RPH3A: variants seen among roughly 807,000 people sequenced by gnomAD.
RPH3A encodes rabphilin 3A, also known as rabphilin-3A.
RPH3A carries 48 observed loss-of-function variants against 102.2 expected under a neutral mutation model. The ratio of observed to expected loss-of-function variants is 0.47; its 90% CI spans 0.37 to 0.60. The LOEUF (loss-of-function observed/expected upper bound fraction) is 0.60, where lower values mean the gene tolerates loss of function less well. Among genes scored for constraint, RPH3A ranks in the 20% least tolerant of loss-of-function variants. The pLI is 0.00. For missense variants in RPH3A, 781 were observed against 910.1 expected (o/e 0.86, Z 1.83); for synonymous variants, 310 against 324.3 (o/e 0.96, Z 0.47).
chr12:112,847,931 G>A, intron 5 of RPH3A, 89 bp downstream of exon 5: 2 of 1,447,262 alleles, frequency 1.4e-6, no homozygotes, highest in Non-Finnish European at 1.9e-6. Flanking sequence ...CAAACGGGGT[G>A]TGCTGGGCTG....
chr12:112,579,296 C>T (rs1361564427), intron 1 of RPH3A, among the ~76,000 whole-genome samples: 1 of 152,194 alleles, frequency 6.6e-6, no homozygotes, highest in Non-Finnish European at 1.5e-5. Context: ...TTCTGAGTCC[C>T]ATAGTGATCA....
Position 112,897,145 on chromosome 12 carries a change from TACAC to T in RPH3A, c.*392_*395del, listed in dbSNP as rs10563429. 2,437 of 183,278 alleles carry T rather than the reference TACAC, an allele frequency of 0.013. 31 individuals are homozygous for T. Among genetic ancestry groups the T allele is most frequent in the African/African-American group, 0.039 (1,651 of 42,092 alleles). 11.4% of individuals were successfully genotyped at this position (183,278 alleles called of 1,614,324 possible). ...CCTCCTAGCCTTGAACACACACATG[TACAC>T]ACACACACACACACACACACACACA... On this transcript the variant is annotated 3_prime_UTR_variant, in exon 22 of 22. Coordinates refer to ENST00000389385, the MANE Select transcript of RPH3A (RefSeq NM_001143854.2).
At chr12:112,640,757 A>G (rs1159502149) in intron 1 of RPH3A, among the ~76,000 whole-genome samples, 1 of 152,140 alleles carries the variant, frequency 6.6e-6, no homozygotes, top group Non-Finnish European at 1.5e-5. Context: ...GGGGGCATGG[A>G]GTGGAGGAGT....
chr12:112,894,204 A>C, intron 19 of RPH3A: 1 of 248,380 alleles, frequency 4.0e-6, no homozygotes, highest in Non-Finnish European at 7.5e-6. Flanking sequence ...ACCACCAGCC[A>C]TGGCCATCAA....
At chr12:112,757,514 T>C (rs2040829246) in intron 1 of RPH3A, among the ~76,000 whole-genome samples, 1 of 152,190 alleles carries the variant, frequency 6.6e-6, no homozygotes, top group African/African-American at 2.4e-5. Flanking sequence ...GTGATGAATA[T>C]GCTGATTACC....
At position 112,729,988 on chromosome 12, in the gene RPH3A, G is replaced by A. The variant is rs191263140; in HGVS notation, c.-139-62155G>A. On this transcript the variant is annotated intron_variant, in intron 1 of 21. Transcript: ENST00000543106. ...TGACTGCTGTCCTTATAAAAAGGGG[G>A]AAAACTGGACACGTACACACACACA... is the stretch of plus-strand genomic sequence containing the variant. Among the ~76,000 whole-genome samples, 216 of 152,190 alleles carry A rather than the reference G, an allele frequency of 1.4e-3. 1 individual carries two copies. Among genetic ancestry groups the A allele is most frequent in the Middle Eastern group, 0.01 (3 of 294 alleles).
intron 2 of RPH3A, among the ~76,000 whole-genome samples, chr12:112,814,400 C>A (rs1487380215): frequency 6.6e-6 from 1 of 152,034 alleles, no homozygotes; most frequent in Non-Finnish European, 1.5e-5. Context: ...TATGACAGCC[C>A]CAACAAGTGG....
At chr12:112,861,751 C>T (rs1168970145) in intron 5 of RPH3A, among the ~76,000 whole-genome samples, 6 of 152,304 alleles carry the variant, frequency 3.9e-5, no homozygotes, top group South Asian at 2.1e-4. Flanking sequence ...CAGTGGCTCA[C>T]GCCTGTAATC....
intron 1 of RPH3A, among the ~76,000 whole-genome samples, chr12:112,609,332 A>G (rs1054725227): frequency 1.3e-5 from 2 of 152,166 alleles, no homozygotes; most frequent in Non-Finnish European, 2.9e-5. Flanking sequence ...CCTCCTCAGT[A>G]GCTGGAATTA....
At chr12:112,757,260 A>G (rs11066399) in intron 1 of RPH3A, among the ~76,000 whole-genome samples, 12,657 of 152,242 alleles carry the variant, frequency 0.083, 1,393 homozygotes, top group African/African-American at 0.25. Context: ...ATAAAAAGCC[A>G]AAGATCTCAC....
intron 1 of RPH3A, among the ~76,000 whole-genome samples, chr12:112,604,937 C>A (rs990146292): frequency 1.3e-5 from 2 of 152,204 alleles, no homozygotes; most frequent in Admixed American, 1.3e-4. Context: ...TGGAAACCTT[C>A]CGTGACCTAG....
chr12:112,863,660 C>G (rs768620143), intron 5 of RPH3A, among the ~76,000 whole-genome samples: 1 of 152,176 alleles, frequency 6.6e-6, no homozygotes, highest in Non-Finnish European at 1.5e-5. Flanking sequence ...AGCTGTGTGA[C>G]CTTGGGTAAG....
intron 1 of RPH3A, among the ~76,000 whole-genome samples, chr12:112,587,620 G>T (rs992034889): frequency 6.6e-6 from 1 of 152,064 alleles, no homozygotes; most frequent in African/African-American, 2.4e-5. Flanking sequence ...CAACATCACA[G>T]CCCCTTATGC....
intron 2 of RPH3A, among the ~76,000 whole-genome samples, chr12:112,823,860 T>C (rs7311759): frequency 0.075 from 11,367 of 152,188 alleles, 1,377 homozygotes; most frequent in African/African-American, 0.26. Flanking sequence ...AGAGTTGGCT[T>C]TCATGAAGTA....
intron 5 of RPH3A, among the ~76,000 whole-genome samples, chr12:112,858,360 C>T (rs879786120): frequency 6.6e-6 from 1 of 151,622 alleles, no homozygotes; most frequent in Non-Finnish European, 1.5e-5. Flanking sequence ...CACTGAAAGC[C>T]CTTGCATGCA....
intron 16 of RPH3A, among the ~76,000 whole-genome samples, chr12:112,887,035 A>G (rs185194309): frequency 2.6e-5 from 4 of 152,320 alleles, no homozygotes; most frequent in Admixed American, 6.5e-5. Context: ...AGTGACCAGA[A>G]CCTTTATAAA....
chr12:112,580,776 T>C (rs1429096534), intron 1 of RPH3A, among the ~76,000 whole-genome samples: 1 of 152,196 alleles, frequency 6.6e-6, no homozygotes, highest in Non-Finnish European at 1.5e-5. Flanking sequence ...TGCACTTTAA[T>C]GTAGTTTAGT....
At position 112,760,066 on chromosome 12, in the gene RPH3A, C is replaced by G. The variant is rs570189782; in HGVS notation, c.-139-32077C>G. 7.2e-5 allele frequency among the ~76,000 whole-genome samples: 11 copies of G among 152,330 alleles called. No homozygotes were observed. In the South Asian group the frequency reaches 2.3e-3, roughly 32 times the overall value. ...CAGCCTGGCTTAGACTTTGACAAAC[C>G]TGAGGAAGCTCTGAGCTGAAACACC... On this transcript the variant is annotated intron_variant, in intron 1 of 21. Transcript: ENST00000543106.
chr12:112,711,263 G>A (rs1393186974), intron 1 of RPH3A, among the ~76,000 whole-genome samples: 1 of 152,134 alleles, frequency 6.6e-6, no homozygotes. Context: ...AGCTCCCGGA[G>A]TGTTTCTTGT....
Sources: allele counts gnomAD v4.1 joint callset (sites outside exome capture counted in the v4.1 genomes callset), GRCh38; gene constraint gnomAD v4.1.1; transcripts MANE v1.5; gene names NCBI Gene and HGNC (gene_info 2026-07-23, HGNC 2026-07-21).